The following ZDHHC11 variants were observed in gnomAD, a reference collection of about 807,000 sequenced individuals.
The protein encoded by ZDHHC11 is zDHHC palmitoyltransferase 11, also known as palmitoyltransferase ZDHHC11.
ZDHHC11 carries 44 observed loss-of-function variants against 51.3 expected under a neutral mutation model. That is an observed-to-expected ratio of 0.86 (90% CI 0.67 to 1.10). The LOEUF (loss-of-function observed/expected upper bound fraction) is 1.10, where lower values mean the gene tolerates loss of function less well. Ranked by LOEUF, ZDHHC11 falls within the 50% of genes least tolerant of loss-of-function variation. ZDHHC11 has a pLI of 0.00. For synonymous variants in ZDHHC11, 163 were observed against 222.0 expected, an observed-to-expected ratio of 0.73 and a Z score of 2.36; for missense variants, 400 against 537.7, an observed-to-expected ratio of 0.74 and a Z score of 2.53.
Position 795,934 on chromosome 5 carries a change from G to GCTCCCATTTCCCAGTAC in ZDHHC11, c.*653_*654insGTACTGGGAAATGGGAG. The GCTCCCATTTCCCAGTAC allele has an allele frequency of 3.2e-5, 1 of 31,470 alleles. No homozygotes were observed. The highest frequency in any genetic ancestry group is 3.0e-4 in the Non-Finnish European group (1 of 3,336). 1.9% of individuals were successfully genotyped at this position (31,470 alleles called of 1,614,324 possible). A position where few individuals can be genotyped will look rare whatever the true frequency, so the allele number is the denominator to read the frequency against. On this transcript the variant is annotated 3_prime_UTR_variant, in exon 13 of 13. Transcript: ENST00000283441. ...TACTGTGCTCCCATTTCCCAGTACT[G>GCTCCCATTTCCCAGTAC]TGTGCTCCCATTTCTCAGTACTGTA...
Position 840,504 on chromosome 5 carries a change from T to C in ZDHHC11, c.775A>G (p.Ile259Val), listed in dbSNP as rs1744642247. 3 of 1,613,480 alleles carry C rather than the reference T, an allele frequency of 1.9e-6. No individual in the cohort carries two copies. The highest frequency in any genetic ancestry group is 1.7e-5 in the Admixed American group (1 of 60,002). Residue 259 changes from isoleucine (I) to valine (V), a missense_variant, in exon 5 of 13, where the codon ATC becomes GTC. Ile to Val is a conservative substitution (Grantham distance 29, BLOSUM62 3). Around this residue, in one of 5 missense-constraint regions of ZDHHC11, gnomAD observed 231 missense variants for 227.4 expected, o/e 1.02. Transcript: ENST00000283441. ...VHLGQLLIFHIYLKAKKMTTF... is the reference protein window; with the variant it reads ...VHLGQLLIFHVYLKAKKMTTF... ...AGGGTGGGGGACATACTCAGGTAGA[T>C]GTGGAAGATGAGCAGCTGGCCCAGG...
intron 11 of ZDHHC11, among the ~76,000 whole-genome samples, chr5:805,914 T>G (rs1269190696): frequency 2.6e-5 from 4 of 151,054 alleles, no homozygotes; most frequent in South Asian, 4.2e-4. Context: ...GATGTGAGGT[T>G]AAGCACAAGG....
At chr5:837,865 G>A (rs1428471811) in intron 5 of ZDHHC11, among the ~76,000 whole-genome samples, 1 of 151,950 alleles carries the variant, frequency 6.6e-6, no homozygotes, top group Non-Finnish European at 1.5e-5. Context: ...GCTGGCAGGG[G>A]TAAGAGACCA....
intron 10 of ZDHHC11, among the ~76,000 whole-genome samples, chr5:818,334 C>G (rs1185039248): frequency 6.6e-6 from 1 of 151,644 alleles, no homozygotes; most frequent in Non-Finnish European, 1.5e-5. Flanking sequence ...GGGGCCCAAT[C>G]GGTTTCCACT....
intron 10 of ZDHHC11, chr5:816,875 G>A (rs1230986538): frequency 1.3e-5 from 6 of 456,454 alleles, no homozygotes; most frequent in East Asian, 5.3e-5. Flanking sequence ...AAGCAGCAGC[G>A]GGAAGCCAAG....
chr5:837,492 A>C lies in ZDHHC11; in HGVS notation c.785-12T>G, dbSNP rs764036564. On this transcript the variant is annotated splice_polypyrimidine_tract_variant and intron_variant, in intron 5 of 12. Coordinates refer to ENST00000283441, the MANE Select transcript of ZDHHC11 (RefSeq NM_024786.3). ...CATCTTCTTGGCCTCTGGAAAGGGA[A>C]AAGGAGGAACAGGACAAGATACCAG... 1.9e-6 allele frequency: 3 copies of C among 1,606,848 alleles called. No individual in the cohort carries two copies. In the East Asian group the frequency reaches 6.7e-5, roughly 36 times the overall value.
chr5:837,475 T>C lies in ZDHHC11; in HGVS notation c.790A>G (p.Lys264Glu), dbSNP rs775030291. Reference protein sequence around the residue: ...LLIFHIYLKAKKMTTFEYLIN... With the variant: ...LLIFHIYLKAEKMTTFEYLIN... ...AGATACTCAAAGGTGGTCATCTTCT[T>C]GGCCTCTGGAAAGGGAAAAGGAGGA... Residue 264 changes from lysine (K) to glutamate (E), a missense_variant, in exon 6 of 13, where the codon AAG (lysine) becomes GAG (glutamate). Transcript: ENST00000283441. 17 of 1,608,544 alleles carry C rather than the reference T, an allele frequency of 1.1e-5. No homozygotes were observed. The highest frequency in any genetic ancestry group is 1.3e-5 in the African/African-American group (1 of 74,514).
chr5:858,787 T>C (rs917246748), intron 1 of ZDHHC11, among the ~76,000 whole-genome samples: 6 of 152,082 alleles, frequency 3.9e-5, no homozygotes, highest in South Asian at 2.1e-4. Context: ...TCTTGCTGTG[T>C]TGCCTTTACT....
chr5:817,008 T>G lies in ZDHHC11; in HGVS notation c.1147-2213A>C, dbSNP rs1355600881. On this transcript the variant is annotated intron_variant, in intron 10 of 12. Coordinates refer to ENST00000283441, the MANE Select transcript of ZDHHC11 (RefSeq NM_024786.3). ...GGGAAGAAACATCAAATAGCCCTCT[T>G]TCTGCTGGATCTTGCTGAATTACTG... 9.0e-6 allele frequency: 2 copies of G among 222,544 alleles called. 1 individual carries two copies. The allele number at this position is 222,544 out of a possible 1,614,324, so 13.8% of individuals were successfully genotyped here.
intron 11 of ZDHHC11, among the ~76,000 whole-genome samples, chr5:803,971 T>G (rs34582293): frequency 0.29 from 42,362 of 147,634 alleles, 11,147 homozygotes; most frequent in African/African-American, 0.68. Context: ...AAAAAAAGAT[T>G]AAGGAAGATG....
intron 7 of ZDHHC11, among the ~76,000 whole-genome samples, chr5:825,773 G>T (rs1264377939): frequency 6.6e-6 from 1 of 152,278 alleles, no homozygotes; most frequent in Non-Finnish European, 1.5e-5. Context: ...CCACCTCCTG[G>T]CTGGAGGCCA....
intron 4 of ZDHHC11, among the ~76,000 whole-genome samples, chr5:843,069 A>G (rs1281519082): frequency 1.3e-5 from 2 of 152,284 alleles, no homozygotes; most frequent in African/African-American, 2.4e-5. Context: ...TCGCCTCTGG[A>G]GCCCACAGTC....
intron 4 of ZDHHC11, among the ~76,000 whole-genome samples, chr5:843,039 G>C (rs568747309): frequency 3.3e-5 from 5 of 152,402 alleles, no homozygotes; most frequent in African/African-American, 1.2e-4. Flanking sequence ...GGCATCACGG[G>C]ATCTGGGTTA....
chr5:802,519 A>T (rs982765403), intron 11 of ZDHHC11, among the ~76,000 whole-genome samples: 5 of 151,106 alleles, frequency 3.3e-5, no homozygotes, highest in Admixed American at 2.6e-4. Context: ...TATGTATATA[A>T]AAATGGAGAG....
upstream of ZDHHC11, among the ~76,000 whole-genome samples, chr5:854,147 G>A (rs181343906): frequency 0.034 from 4,557 of 132,482 alleles, 172 homozygotes; most frequent in African/African-American, 0.12. Context: ...AGAGGACAGC[G>A]AGCCGGGGGG....
At chr5:859,554 G>A (rs1160781175), upstream of ZDHHC11, among the ~76,000 whole-genome samples, 3 of 152,192 alleles carry the variant, frequency 2.0e-5, no homozygotes, top group East Asian at 1.9e-4. Context: ...AGGGACCTGC[G>A]CAGCTGGTTC....
intron 10 of ZDHHC11, chr5:816,457 T>C (rs1740814849): frequency 2.1e-6 from 1 of 476,284 alleles, no homozygotes; most frequent in African/African-American, 2.0e-5. Flanking sequence ...TGTGGATAAG[T>C]CGAAGATAAG....
At chr5:845,588 A>G (rs1238490109) in intron 3 of ZDHHC11, among the ~76,000 whole-genome samples, 8 of 152,102 alleles carry the variant, frequency 5.3e-5, no homozygotes, top group African/African-American at 1.9e-4. Flanking sequence ...CTCTCTTATC[A>G]CTACGAAGTA....
At chr5:844,039 G>GAGGCA (rs1438115987) in intron 3 of ZDHHC11, among the ~76,000 whole-genome samples, 2 of 150,424 alleles carry the variant, frequency 1.3e-5, no homozygotes, top group Non-Finnish European at 3.0e-5. Context: ...GGGGGGCGCA[G>GAGGCA]GGGTGGGGAC....
Sources: gnomAD v4.1 joint callset for allele counts (sites outside exome capture counted in the v4.1 genomes callset) on GRCh38, gnomAD v4.1.1 for gene constraint, gnomAD v4.1.1 regional missense constraint, MANE v1.5 for transcripts, NCBI Gene and HGNC (gene_info 2026-07-23, HGNC 2026-07-21) for gene names.